The following PBX1 variants were observed in gnomAD, a reference collection of about 807,000 sequenced individuals.
The protein encoded by PBX1 is PBX homeobox 1.
PBX1 carries 6 observed loss-of-function variants against 53.4 expected under a neutral mutation model. That is an observed-to-expected ratio of 0.11 (90% CI 0.06 to 0.22). PBX1 has a LOEUF of 0.22. Ranked by LOEUF, PBX1 falls within the 10% of genes least tolerant of loss-of-function variation. The pLI, the probability that PBX1 is intolerant of heterozygous loss-of-function variation, is 1.00. For missense variants in PBX1, 251 were observed against 551.4 expected (o/e 0.46, Z 5.46); for synonymous variants, 204 against 212.3 (o/e 0.96, Z 0.34).
intron 2 of PBX1, among the ~76,000 whole-genome samples, chr1:164,705,008 GA>G (rs1211049573): frequency 1.3e-5 from 2 of 152,132 alleles, no homozygotes; most frequent in Non-Finnish European, 2.9e-5. Flanking sequence ...AATCATTTGA[GA>G]AATTTTGTAA....
chr1:164,721,605 C>T (rs1363031433), intron 2 of PBX1, among the ~76,000 whole-genome samples: 1 of 152,204 alleles, frequency 6.6e-6, no homozygotes, highest in African/African-American at 2.4e-5. Flanking sequence ...TAGCTTCTCT[C>T]ACTTTCTCAT....
intron 2 of PBX1, chr1:164,682,100 CAT>C (rs1557938739): frequency 1.3e-5 from 2 of 152,142 alleles, no homozygotes; most frequent in African/African-American, 2.4e-5. Context: ...ACAATGGTAA[CAT>C]AATTATAATT....
chr1:164,614,813 GC>G (rs1657160938), intron 2 of PBX1, among the ~76,000 whole-genome samples: 1 of 151,966 alleles, frequency 6.6e-6, no homozygotes, highest in African/African-American at 2.4e-5. Context: ...TCACTCTGCC[GC>G]CCAGGCTATA....
In PBX1 at chr1:164,849,130, G is replaced by T; in HGVS notation, c.*2454G>T. The T allele has an allele frequency of 7.3e-7, 1 of 1,378,696 alleles. No homozygotes were observed. Among genetic ancestry groups the T allele is most frequent in the Middle Eastern group, 2.6e-4 (1 of 3,860 alleles). The allele number at this position is 1,378,696 out of a possible 1,614,324, so 85.4% of individuals were successfully genotyped here. On this transcript the variant is annotated 3_prime_UTR_variant, in exon 9 of 9. Transcript: ENST00000420696. ...TCACATTTGCTTGACTTAGGGCAAA[G>T]TACGAAAGAGAGACAAAAGGGTTCT...
chr1:164,620,575 A>C (rs1657601768), intron 2 of PBX1, among the ~76,000 whole-genome samples: 1 of 152,180 alleles, frequency 6.6e-6, no homozygotes, highest in East Asian at 1.9e-4. Context: ...TCGTGGCCTA[A>C]AATCAGGTCT....
intron 2 of PBX1, among the ~76,000 whole-genome samples, chr1:164,648,138 C>T (rs781218384): frequency 1.2e-4 from 18 of 152,106 alleles, no homozygotes; most frequent in Non-Finnish European, 2.6e-4. Context: ...GTGTTATGCA[C>T]TGGGGTTGTG....
At chr1:164,745,108 C>T (rs1348668464) in intron 2 of PBX1, among the ~76,000 whole-genome samples, 2 of 152,032 alleles carry the variant, frequency 1.3e-5, no homozygotes, top group African/African-American at 2.4e-5. Flanking sequence ...GTGGCAAAGC[C>T]GATATTAAAA....
intron 2 of PBX1, among the ~76,000 whole-genome samples, chr1:164,866,209 T>C (rs923384511): frequency 6.6e-6 from 1 of 152,232 alleles, no homozygotes; most frequent in Non-Finnish European, 1.5e-5. Context: ...AATGATCAAA[T>C]TGCCTCTCAA....
At chr1:164,791,320 TA>T (rs143506611) in intron 2 of PBX1, among the ~76,000 whole-genome samples, 2,072 of 152,280 alleles carry the variant, frequency 0.014, 53 homozygotes, top group African/African-American at 0.047. Context: ...GGTGTTTTCA[TA>T]AAGATCAGCC....
chr1:164,852,424 C>T (rs748672649), downstream of PBX1, among the ~76,000 whole-genome samples: 5 of 152,180 alleles, frequency 3.3e-5, no homozygotes, highest in Admixed American at 6.5e-5. Context: ...TTTGAGGTTT[C>T]GAAGTGTTAC....
intron 2 of PBX1, among the ~76,000 whole-genome samples, chr1:164,874,007 G>GAA (rs11381707): frequency 0.39 from 55,468 of 143,216 alleles, 10,803 homozygotes; most frequent in Middle Eastern, 0.5. Context: ...GAGGAATTCA[G>GAA]AAAAAAAAAA....
intron 2 of PBX1, among the ~76,000 whole-genome samples, chr1:164,588,696 G>GGA (rs911630018): frequency 1.3e-5 from 2 of 151,228 alleles, no homozygotes; most frequent in African/African-American, 4.9e-5. Context: ...AAAATAAGAG[G>GGA]GAGAGAGAGA....
chr1:164,601,132 G>T (rs1270379371), intron 2 of PBX1, among the ~76,000 whole-genome samples: 1 of 151,370 alleles, frequency 6.6e-6, no homozygotes, highest in African/African-American at 2.4e-5. Context: ...CCAGCTACTC[G>T]GGAGGCTGAG....
At chr1:164,692,842 C>T (rs1276826162) in intron 2 of PBX1, among the ~76,000 whole-genome samples, 1 of 152,140 alleles carries the variant, frequency 6.6e-6, no homozygotes, top group African/African-American at 2.4e-5. Flanking sequence ...AAATGGGCTG[C>T]ACAGTTTTAC....
intron 2 of PBX1, among the ~76,000 whole-genome samples, chr1:164,565,068 T>A (rs1436460383): frequency 6.6e-6 from 1 of 152,176 alleles, no homozygotes; most frequent in African/African-American, 2.4e-5. Flanking sequence ...CACTTAAATG[T>A]ACATTGTGGC....
intron 2 of PBX1, among the ~76,000 whole-genome samples, chr1:164,581,967 T>C (rs766110011): frequency 2.6e-5 from 4 of 152,238 alleles, no homozygotes; most frequent in Admixed American, 6.5e-5. Flanking sequence ...GAACCTGTTA[T>C]GTATCTTATT....
chr1:164,855,175 G>A (rs1217168089), downstream of PBX1, among the ~76,000 whole-genome samples: 2 of 151,974 alleles, frequency 1.3e-5, no homozygotes, highest in African/African-American at 2.4e-5. Context: ...CGAACTCCTG[G>A]GTTCAAGCAA....
At chr1:164,762,030 T>A (rs908496686) in intron 2 of PBX1, among the ~76,000 whole-genome samples, 3 of 152,184 alleles carry the variant, frequency 2.0e-5, no homozygotes, top group African/African-American at 7.2e-5. Context: ...ATATATATAT[T>A]TTTTAATTTC....
chr1:164,677,644 T>G (rs1661512065), intron 2 of PBX1, among the ~76,000 whole-genome samples: 1 of 152,040 alleles, frequency 6.6e-6, no homozygotes, highest in Non-Finnish European at 1.5e-5. Flanking sequence ...AAAATTAAGG[T>G]TGGCTTCATT....
Sources: gnomAD v4.1 joint callset for allele counts (sites outside exome capture counted in the v4.1 genomes callset) on GRCh38, gnomAD v4.1.1 for gene constraint, MANE v1.5 for transcripts, NCBI Gene and HGNC (gene_info 2026-07-23, HGNC 2026-07-21) for gene names.